PPFIBP1: variants seen among roughly 807,000 people sequenced by gnomAD.
The protein encoded by PPFIBP1 is liprin-beta-1.
PPFIBP1 carries 112 observed loss-of-function variants against 137.8 expected under a neutral mutation model. The ratio of observed to expected loss-of-function variants is 0.81; its 90% CI spans 0.70 to 0.95. The LOEUF (loss-of-function observed/expected upper bound fraction) is 0.95, where lower values mean the gene tolerates loss of function less well. Among genes scored for constraint, PPFIBP1 ranks in the 40% least tolerant of loss-of-function variants. The pLI, the probability that PPFIBP1 is intolerant of heterozygous loss-of-function variation, is 0.00. For synonymous variants in PPFIBP1, 378 were observed against 417.3 expected, an observed-to-expected ratio of 0.91 and a Z score of 1.15; for missense variants, 1,083 against 1,196.6, an observed-to-expected ratio of 0.91 and a Z score of 1.40.
intron 2 of PPFIBP1, among the ~76,000 whole-genome samples, chr12:27,606,424 A>G (rs2054529744): frequency 6.6e-6 from 1 of 152,190 alleles, no homozygotes; most frequent in South Asian, 2.1e-4. Flanking sequence ...TTTTAGCTCT[A>G]CGACTGTGTG....
chr12:27,547,869 G>A (rs886270785), intron 1 of PPFIBP1: 1 of 152,268 alleles, frequency 6.6e-6, no homozygotes, highest in African/African-American at 2.4e-5. Context: ...CTGGGGATGG[G>A]TGTATTGGCC....
chr12:27,525,469 G>A (rs1215885079), intron 1 of PPFIBP1, among the ~76,000 whole-genome samples: 12 of 145,632 alleles, frequency 8.2e-5, no homozygotes, highest in Admixed American at 7.8e-4. Flanking sequence ...ACCGATTCAG[G>A]ACCCTCTCAT....
intron 13 of PPFIBP1, among the ~76,000 whole-genome samples, chr12:27,668,513 A>G (rs1424927096): frequency 6.6e-6 from 1 of 152,188 alleles, no homozygotes; most frequent in Non-Finnish European, 1.5e-5. Flanking sequence ...TCCTTTGCCT[A>G]TATTTGCAGA....
chr12:27,540,812 G>C (rs909909847), intron 1 of PPFIBP1, among the ~76,000 whole-genome samples: 2 of 152,214 alleles, frequency 1.3e-5, no homozygotes, highest in Middle Eastern at 3.4e-3. Context: ...ATGTTCATAT[G>C]ACTATTGGCT....
intron 1 of PPFIBP1, among the ~76,000 whole-genome samples, chr12:27,573,080 A>G (rs893424846): frequency 2.0e-5 from 3 of 152,202 alleles, no homozygotes; most frequent in African/African-American, 7.2e-5. Flanking sequence ...ACACAGCCCA[A>G]GCTTGTGATT....
In PPFIBP1 at chr12:27,692,807, AG is replaced by A; in HGVS notation, c.2944del (p.Glu982LysfsTer36). On this transcript the variant is annotated frameshift_variant, in exon 30 of 30. Transcript: ENST00000228425. LOFTEE classifies it high-confidence loss of function. ...GINNLTHMLKEDDMFKDFAAR... is the reference protein window; with the variant it reads ...GINNLTHMLKXDDMFKDFAAR... ...TCCTTGTTTTCCAGCACATGTTAAA[AG>A]AAGATGACATGTTTAAAGATTTTGC... The A allele has an allele frequency of 6.2e-7, 1 of 1,614,164 alleles. No homozygotes were observed.
At position 27,676,619 on chromosome 12, in the gene PPFIBP1, CT is replaced by C; in HGVS notation, c.1582+23del. 6.5e-7 allele frequency: 1 copy of C among 1,533,376 alleles called. No individual in the cohort carries two copies. The highest frequency in any genetic ancestry group is 2.3e-5 in the East Asian group (1 of 43,812). The allele number at this position is 1,533,376 out of a possible 1,614,324, so 95.0% of individuals were successfully genotyped here. Reference sequence around the variant, plus strand: ...ACTTAGGTACGTATGACCAAAATGCCTTTGCCCTAATTCTTCCACAAGGAGG... The same window carrying C: ...ACTTAGGTACGTATGACCAAAATGCCTTGCCCTAATTCTTCCACAAGGAGG... On this transcript the variant is annotated intron_variant, in intron 18 of 29. Transcript: ENST00000228425.
chr12:27,558,150 A>C (rs2048849376), intron 1 of PPFIBP1, among the ~76,000 whole-genome samples: 2 of 152,192 alleles, frequency 1.3e-5, no homozygotes, highest in South Asian at 4.1e-4. Flanking sequence ...GATGAGAAAT[A>C]GTTTGGAATA....
At chr12:27,670,789 A>T (rs2060136827) in intron 13 of PPFIBP1, among the ~76,000 whole-genome samples, 1 of 132,284 alleles carries the variant, frequency 7.6e-6, no homozygotes, top group South Asian at 2.4e-4. Context: ...AAAAAAAAAA[A>T]AAAAAAATAA....
At chr12:27,670,993 G>A (rs2060161571) in intron 13 of PPFIBP1, among the ~76,000 whole-genome samples, 1 of 151,758 alleles carries the variant, frequency 6.6e-6, no homozygotes, top group Non-Finnish European at 1.5e-5. Context: ...TTCATCCAGG[G>A]CTTAAGGTTG....
intron 1 of PPFIBP1, among the ~76,000 whole-genome samples, chr12:27,539,687 T>C (rs1945442752): frequency 6.6e-6 from 1 of 152,164 alleles, no homozygotes; most frequent in Admixed American, 6.5e-5. Context: ...TGTGGATTTA[T>C]ATTTGAAATT....
intron 11 of PPFIBP1, among the ~76,000 whole-genome samples, chr12:27,662,296 C>A (rs2346759): frequency 1 from 151,777 of 152,342 alleles, 75,608 homozygotes; most frequent in Middle Eastern, 1. Flanking sequence ...CAGGTGGAGT[C>A]GGGGCGTGGG....
Position 27,679,632 on chromosome 12 carries a change from T to C in PPFIBP1, c.1759T>C (p.Phe587Leu). ...GAAATCCAGAGGTATCATGAAACTC[T>C]TTGGAAAGTAAGTAAAGCAGTAAAC... is the stretch of plus-strand genomic sequence containing the variant. Reference protein sequence around the residue: ...KKKSRGIMKLFGKLRRSQSTT... With the variant: ...KKKSRGIMKLLGKLRRSQSTT... The change falls in exon 20 of 30, where the codon TTT (phenylalanine) becomes CTT (leucine). Residue 587 changes from phenylalanine to leucine, a missense_variant. Transcript: ENST00000228425. 2 of 1,613,714 alleles carry C rather than the reference T, an allele frequency of 1.2e-6. No homozygotes were observed. Among genetic ancestry groups the C allele is most frequent in the Non-Finnish European group, 1.7e-6 (2 of 1,179,750 alleles).
chr12:27,683,630 T>C (rs1012324852), intron 24 of PPFIBP1, among the ~76,000 whole-genome samples: 2 of 152,202 alleles, frequency 1.3e-5, no homozygotes, highest in Admixed American at 6.5e-5. Context: ...CCTTCATTAT[T>C]GTACATTTCT....
chr12:27,554,087 G>A (rs1442054272), intron 1 of PPFIBP1, among the ~76,000 whole-genome samples: 1 of 152,226 alleles, frequency 6.6e-6, no homozygotes, highest in Non-Finnish European at 1.5e-5. Flanking sequence ...TGAGTGCTTA[G>A]ATGTATATTA....
intron 2 of PPFIBP1, among the ~76,000 whole-genome samples, chr12:27,581,669 T>G (rs994941248): frequency 2.0e-5 from 3 of 152,236 alleles, no homozygotes; most frequent in African/African-American, 7.2e-5. Context: ...GACTGTCTTT[T>G]GTGAACTAAA....
intron 9 of PPFIBP1, among the ~76,000 whole-genome samples, chr12:27,658,433 G>A (rs1253122641): frequency 6.6e-6 from 1 of 152,172 alleles, no homozygotes; most frequent in Non-Finnish European, 1.5e-5. Context: ...CACAAGCAGT[G>A]TTCTAGTCAC....
chr12:27,672,452 A>G lies in PPFIBP1; in HGVS notation c.1288A>G (p.Thr430Ala). The G allele has an allele frequency of 6.2e-7, 1 of 1,609,402 alleles. No individual in the cohort carries two copies. The highest frequency in any genetic ancestry group is 8.5e-7 in the Non-Finnish European group (1 of 1,176,174). The change falls in exon 15 of 30, where the codon ACT becomes GCT. Residue 430 changes from threonine to alanine, a missense_variant. Thr to Ala is a moderately conservative substitution (Grantham distance 58, BLOSUM62 0). Transcript: ENST00000228425. ...ENDGNIILGA[T>A]VDTQLCDKLL... ...TGATGGAAACATAATCCTTGGTGCC[A>G]CTGTTGATACCCAACTGTGTGATAA...
chr12:27,640,334 T>C (rs1252997895), intron 4 of PPFIBP1, among the ~76,000 whole-genome samples: 2 of 152,190 alleles, frequency 1.3e-5, no homozygotes, highest in Non-Finnish European at 2.9e-5. Flanking sequence ...CATGTTATCC[T>C]TCCCAAAGTG....
Sources: gnomAD v4.1 joint callset for allele counts (sites outside exome capture counted in the v4.1 genomes callset) on GRCh38, gnomAD v4.1.1 for gene constraint, MANE v1.5 for transcripts, NCBI Gene and HGNC (gene_info 2026-07-23, HGNC 2026-07-21) for gene names.